The following RGS17 variants were observed in gnomAD, a reference collection of about 807,000 sequenced individuals.
RGS17 encodes regulator of G-protein signaling 17.
In RGS17, 12 loss-of-function variants were observed where a neutral mutation model predicts 25.5. The ratio of observed to expected loss-of-function variants is 0.47; its 90% CI spans 0.30 to 0.76. RGS17 has a LOEUF of 0.76. RGS17 is among the 30% of genes least tolerant of loss of function. RGS17 has a pLI of 0.07. For missense variants in RGS17, 196 were observed against 242.2 expected, an observed-to-expected ratio of 0.81 and a Z score of 1.27; for synonymous variants, 71 against 76.9, an observed-to-expected ratio of 0.92 and a Z score of 0.40.
At chr6:153,014,072 A>C (rs1225284705) in intron 4 of RGS17, among the ~76,000 whole-genome samples, 1 of 152,264 alleles carries the variant, frequency 6.6e-6, no homozygotes, top group Non-Finnish European at 1.5e-5. Context: ...TTTCAGAGCC[A>C]GAGAGAAGTC....
chr6:153,036,851 G>A (rs1776249568), intron 2 of RGS17, among the ~76,000 whole-genome samples: 1 of 151,998 alleles, frequency 6.6e-6, no homozygotes, highest in Middle Eastern at 3.4e-3. Flanking sequence ...TCTCACCAAG[G>A]CTATTATAAA....
chr6:153,063,973 C>T (rs954997594), intron 1 of RGS17, among the ~76,000 whole-genome samples: 9 of 151,590 alleles, frequency 5.9e-5, no homozygotes, highest in Admixed American at 3.3e-4. Context: ...AAAACTTTTA[C>T]CCTAGAATAA....
chr6:153,068,597 CAA>C (rs1199224973), intron 1 of RGS17, among the ~76,000 whole-genome samples: 10 of 152,102 alleles, frequency 6.6e-5, no homozygotes, highest in Admixed American at 6.6e-4. Flanking sequence ...CAAAAATAGT[CAA>C]GAGGGATCAC....
At chr6:153,083,121 C>T (rs948753670) in intron 1 of RGS17, among the ~76,000 whole-genome samples, 2 of 152,066 alleles carry the variant, frequency 1.3e-5, no homozygotes, top group East Asian at 1.9e-4. Context: ...TCAAAAAGAC[C>T]GTAGGCAGAT....
intron 1 of RGS17, among the ~76,000 whole-genome samples, chr6:153,129,049 G>T (rs1238502108): frequency 6.6e-6 from 1 of 152,250 alleles, no homozygotes; most frequent in African/African-American, 2.4e-5. Flanking sequence ...GAGGAAGGAT[G>T]AGTGCCCCTG....
chr6:153,070,718 T>TAC (rs1242102320), intron 1 of RGS17, among the ~76,000 whole-genome samples: 4 of 149,578 alleles, frequency 2.7e-5, no homozygotes, highest in Admixed American at 6.7e-5. Context: ...CATATATATA[T>TAC]ACACATATAC....
chr6:153,050,375 A>G (rs1222774608), intron 1 of RGS17, among the ~76,000 whole-genome samples: 1 of 152,208 alleles, frequency 6.6e-6, no homozygotes, highest in Non-Finnish European at 1.5e-5. Flanking sequence ...ATCCGTAATA[A>G]TAAGTAACAC....
At chr6:153,056,980 T>A (rs146140340) in intron 1 of RGS17, among the ~76,000 whole-genome samples, 1 of 151,964 alleles carries the variant, frequency 6.6e-6, no homozygotes, top group Non-Finnish European at 1.5e-5. Context: ...ATTAAAAATA[T>A]CTATTTTCCC....
chr6:153,112,195 T>C (rs1777480675), intron 1 of RGS17, among the ~76,000 whole-genome samples: 1 of 152,078 alleles, frequency 6.6e-6, no homozygotes, highest in Admixed American at 6.5e-5. Flanking sequence ...GTTACAGGAA[T>C]TGCTAACTAG....
intron 1 of RGS17, among the ~76,000 whole-genome samples, chr6:153,053,809 A>T (rs1776494617): frequency 6.6e-6 from 1 of 150,424 alleles, no homozygotes; most frequent in Non-Finnish European, 1.5e-5. Flanking sequence ...AAAAGAAAAA[A>T]GAAAAAGAAA....
At chr6:153,072,369 T>C (rs1425413656) in intron 1 of RGS17, among the ~76,000 whole-genome samples, 2 of 152,146 alleles carry the variant, frequency 1.3e-5, no homozygotes, top group South Asian at 2.1e-4. Flanking sequence ...TGGGTAGAAA[T>C]AGGTAATATA....
At chr6:153,022,589 GGGGGCAGAAAT>G (rs1198091714) in intron 4 of RGS17, among the ~76,000 whole-genome samples, 3 of 152,082 alleles carry the variant, frequency 2.0e-5, no homozygotes, top group African/African-American at 7.2e-5. Context: ...TACATACTTT[GGGGGCAGAAAT>G]GGGCTTGATA....
At chr6:153,112,274 G>A (rs1275576254) in intron 1 of RGS17, among the ~76,000 whole-genome samples, 1 of 152,138 alleles carries the variant, frequency 6.6e-6, no homozygotes, top group African/African-American at 2.4e-5. Context: ...ACATTGTGAA[G>A]CATACACAAG....
chr6:153,032,169 C>T (rs555247451), intron 2 of RGS17, among the ~76,000 whole-genome samples: 14 of 152,290 alleles, frequency 9.2e-5, no homozygotes, highest in South Asian at 8.3e-4. Flanking sequence ...TAATATACAA[C>T]ATTTCAGACA....
intron 1 of RGS17, among the ~76,000 whole-genome samples, chr6:153,114,650 C>G (rs1407410292): frequency 6.6e-6 from 1 of 152,152 alleles, no homozygotes; most frequent in Non-Finnish European, 1.5e-5. Context: ...AGGCCAATAT[C>G]CCTGATGAAC....
chr6:153,068,403 C>T (rs113772656), intron 1 of RGS17, among the ~76,000 whole-genome samples: 11,221 of 152,130 alleles, frequency 0.074, 443 homozygotes, highest in African/African-American at 0.082. Context: ...ACCGAGATCG[C>T]GCCACTGCAC....
At chr6:153,041,544 A>C (rs918399683) in intron 2 of RGS17, among the ~76,000 whole-genome samples, 1 of 151,828 alleles carries the variant, frequency 6.6e-6, no homozygotes, top group South Asian at 2.1e-4. Flanking sequence ...ATCTCACTAA[A>C]TATTTATATG....
chr6:153,117,255 G>A (rs1213431444), intron 1 of RGS17, among the ~76,000 whole-genome samples: 2 of 152,084 alleles, frequency 1.3e-5, no homozygotes, highest in African/African-American at 2.4e-5. Context: ...AAGAATGAGA[G>A]TGAAAGGGGA....
chr6:153,017,146 C>T (rs1327638533), intron 4 of RGS17, among the ~76,000 whole-genome samples: 2 of 152,186 alleles, frequency 1.3e-5, no homozygotes, highest in Non-Finnish European at 2.9e-5. Flanking sequence ...AAAAGCACTA[C>T]CCTTGTGAGA....
Sources: gnomAD v4.1 joint callset for allele counts (sites outside exome capture counted in the v4.1 genomes callset) on GRCh38, gnomAD v4.1.1 for gene constraint, MANE v1.5 for transcripts, NCBI Gene and HGNC (gene_info 2026-07-23, HGNC 2026-07-21) for gene names.